CSMD2: variants seen among roughly 807,000 people sequenced by gnomAD.
The protein encoded by CSMD2 is CUB and Sushi multiple domains 2, also known as CUB and sushi domain-containing protein 2.
A neutral mutation model predicts 398.5 loss-of-function variants in CSMD2; 130 were observed. The ratio of observed to expected loss-of-function variants is 0.33; its 90% CI spans 0.28 to 0.38. The LOEUF is 0.38. CSMD2 is among the 10% of genes least tolerant of loss of function. The pLI is 1.00. For synonymous variants in CSMD2, 1,828 were observed against 1,908.5 expected (o/e 0.96, Z 1.10); for missense variants, 3,829 against 4,764.9 (o/e 0.80, Z 5.78).
At chr1:33,557,668 A>C in intron 55 of CSMD2, 66 bp downstream of exon 55, 1 of 1,319,304 alleles carries the variant, frequency 7.6e-7, no homozygotes, top group South Asian at 1.3e-5. Flanking sequence ...ACATGCACAG[A>C]GGGGAGGACT....
intron 55 of CSMD2, among the ~76,000 whole-genome samples, chr1:33,554,185 CTT>C (rs397860875): frequency 0.012 from 883 of 74,354 alleles, 2 homozygotes; most frequent in Middle Eastern, 0.035. Flanking sequence ...AAAAAACAGC[CTT>C]TTTTTTTTTT....
chr1:33,704,332 G>A (rs1477365490), intron 22 of CSMD2, among the ~76,000 whole-genome samples: 4 of 151,960 alleles, frequency 2.6e-5, no homozygotes, highest in African/African-American at 7.3e-5. Context: ...AAATGTAATG[G>A]TTTGTCTCTT....
At chr1:34,007,740 A>C (rs57702884) in intron 3 of CSMD2, among the ~76,000 whole-genome samples, 6,647 of 152,298 alleles carry the variant, frequency 0.044, 501 homozygotes, top group African/African-American at 0.15. Context: ...AGCAATATAA[A>C]TAGCATAAAT....
chr1:33,992,089 G>C (rs1646572117), intron 3 of CSMD2, among the ~76,000 whole-genome samples: 1 of 152,200 alleles, frequency 6.6e-6, no homozygotes, highest in Non-Finnish European at 1.5e-5. Context: ...AATGTTGGGA[G>C]AGGGTAGGGG....
At chr1:33,989,133 T>C (rs1646467366) in intron 3 of CSMD2, among the ~76,000 whole-genome samples, 1 of 148,808 alleles carries the variant, frequency 6.7e-6, no homozygotes, top group Non-Finnish European at 1.5e-5. Context: ...AACACACATA[T>C]ATATGTAATC....
intron 27 of CSMD2, among the ~76,000 whole-genome samples, chr1:33,653,755 A>T (rs1402492721): frequency 6.6e-6 from 1 of 152,142 alleles, no homozygotes; most frequent in African/African-American, 2.4e-5. Context: ...GGTCGTTAGC[A>T]GGATGGCCAA....
intron 9 of CSMD2, among the ~76,000 whole-genome samples, chr1:33,819,151 G>A (rs905302801): frequency 6.6e-6 from 1 of 152,166 alleles, no homozygotes; most frequent in East Asian, 1.9e-4. Context: ...TTATTTGGGG[G>A]GTAGGGGCTA....
At chr1:33,683,024 G>C (rs2149072399) in intron 25 of CSMD2, among the ~76,000 whole-genome samples, 1 of 152,116 alleles carries the variant, frequency 6.6e-6, no homozygotes, top group East Asian at 1.9e-4. Context: ...TTCTGCATTT[G>C]TGCTTCCTGG....
Position 33,722,760 on chromosome 1 carries a change from T to G in CSMD2, c.3001+1437A>C, listed in dbSNP as rs1646399893. Among the ~76,000 whole-genome samples, 3 of 152,154 alleles carry G rather than the reference T, an allele frequency of 2.0e-5. No homozygotes were observed. The South Asian group carries it at 6.2e-4, about 32-fold the overall frequency. On this transcript the variant is annotated intron_variant, in intron 19 of 70. Transcript: ENST00000373381. ...TTTTTAACCTAAATCCTTTCAAAGT[T>G]TTTTTTAATTGAATCTAGCAGTCTT... is the stretch of plus-strand genomic sequence containing the variant.
intron 5 of CSMD2, chr1:33,864,749 C>T: frequency 6.3e-7 from 1 of 1,597,654 alleles, no homozygotes; most frequent in Admixed American, 1.8e-5. Context: ...TCAGGCAGAG[C>T]TGATGGATCC....
intron 21 of CSMD2, 39 bp from the exon 22 acceptor site, chr1:33,709,297 T>A: frequency 6.4e-7 from 1 of 1,567,928 alleles, no homozygotes; most frequent in Non-Finnish European, 8.7e-7. Context: ...TTAACCCCCA[T>A]CAGCTGCATC....
In CSMD2 at chr1:33,580,856, A is replaced by G; in HGVS notation, c.7284T>C (p.Asn2428=). Reference sequence around the variant, plus strand: ...TGGTGACAATCAGGGGAGCTGAGTAATTCCCACTGAGGGCTTTCAGCAGAG... The same window carrying G: ...TGGTGACAATCAGGGGAGCTGAGTAGTTCCCACTGAGGGCTTTCAGCAGAG... The part of the protein sequence containing the change: ...QSPLLKALSG[N]YSAPLIVTSS... The change falls in exon 48 of 71, where the codon AAT becomes AAC. Residue 2428 remains asparagine, a synonymous_variant. Transcript: ENST00000373381. The G allele has an allele frequency of 3.1e-6, 5 of 1,614,120 alleles. No homozygotes were observed. Among genetic ancestry groups the G allele is most frequent in the Non-Finnish European group, 4.2e-6 (5 of 1,180,008 alleles).
At chr1:33,996,309 G>A (rs1558221548) in intron 3 of CSMD2, among the ~76,000 whole-genome samples, 1 of 152,242 alleles carries the variant, frequency 6.6e-6, no homozygotes, top group African/African-American at 2.4e-5. Context: ...ATGAAAAAGT[G>A]TCAGAGGATG....
At chr1:34,144,223 C>A (rs769757597) in intron 1 of CSMD2, among the ~76,000 whole-genome samples, 58 of 152,250 alleles carry the variant, frequency 3.8e-4, no homozygotes, top group South Asian at 1.5e-3. Flanking sequence ...TTACCTCCAG[C>A]TGCAGGCGGT....
At chr1:34,000,276 C>T (rs1646859973) in intron 3 of CSMD2, among the ~76,000 whole-genome samples, 1 of 151,864 alleles carries the variant, frequency 6.6e-6, no homozygotes, top group East Asian at 1.9e-4. Context: ...CCCGCGGAAA[C>T]CTCTTCAGCA....
In CSMD2 at chr1:33,936,019, C is replaced by T. The variant is rs996795807; in HGVS notation, c.518-65G>A. 5 of 1,456,788 alleles carry T rather than the reference C, an allele frequency of 3.4e-6. No homozygotes were observed. In the Admixed American group the frequency reaches 8.2e-5, roughly 24 times the overall value. The allele number at this position is 1,456,788 out of a possible 1,614,324, so 90.2% of individuals were successfully genotyped here. A position where few individuals can be genotyped will look rare whatever the true frequency, so the allele number is the denominator to read the frequency against. On this transcript the variant is annotated intron_variant, in intron 3 of 70. Coordinates refer to ENST00000373381, the MANE Select transcript of CSMD2 (RefSeq NM_001281956.2). ...GCTGGGCTGGAGCCCTGACACCGGG[C>T]TTCCTAGTAGCAACTCCCTAGGCCA...
rs571010932 is a variant in CSMD2, at chr1:33,881,534, G to A, written c.921-34538C>T. ...TGTTTACAGAATGCCAAGCAGCGTG[G>A]GGTAGTTAAAGCAAGGTGCAAGGGA... On this transcript the variant is annotated intron_variant, in intron 5 of 70. Transcript: ENST00000373381. Among the ~76,000 whole-genome samples, 8 of 152,170 alleles carry A rather than the reference G, an allele frequency of 5.3e-5. No individual in the cohort carries two copies. In the South Asian group the frequency reaches 1.7e-3, roughly 32 times the overall value.
intron 5 of CSMD2, among the ~76,000 whole-genome samples, chr1:33,850,261 A>C (rs1431568103): frequency 6.6e-6 from 1 of 152,190 alleles, no homozygotes; most frequent in African/African-American, 2.4e-5. Context: ...CCCGTCAAAC[A>C]GAAGAGTTCA....
intron 1 of CSMD2, among the ~76,000 whole-genome samples, chr1:34,158,448 G>T (rs1055771252): frequency 6.6e-6 from 1 of 152,184 alleles, no homozygotes; most frequent in African/African-American, 2.4e-5. Flanking sequence ...GCATTCTCGA[G>T]GTAGAGGGTT....
Sources: allele counts gnomAD v4.1 joint callset (sites outside exome capture counted in the v4.1 genomes callset), GRCh38; gene constraint gnomAD v4.1.1; transcripts MANE v1.5; gene names NCBI Gene and HGNC (gene_info 2026-07-23, HGNC 2026-07-21).